Variants in CYP46A1 observed in about 807,000 individuals in gnomAD.
CYP46A1 encodes the protein cytochrome P450 family 46 subfamily A member 1, also known as cholesterol 24-hydroxylase.
In CYP46A1, 20 loss-of-function variants were observed where a neutral mutation model predicts 63.3. The ratio of observed to expected loss-of-function variants is 0.32; its 90% CI spans 0.22 to 0.46. The LOEUF is 0.46. CYP46A1 is among the 20% of genes least tolerant of loss of function. The pLI is 1.00. For missense variants in CYP46A1, 445 were observed against 670.8 expected, an observed-to-expected ratio of 0.66 and a Z score of 3.72; for synonymous variants, 268 against 273.6, an observed-to-expected ratio of 0.98 and a Z score of 0.20.
intron 1 of CYP46A1, among the ~76,000 whole-genome samples, chr14:99,690,416 C>T (rs181289674): frequency 5.7e-4 from 87 of 152,278 alleles, no homozygotes; most frequent in Non-Finnish European, 8.7e-4. Context: ...ATTTACTCTC[C>T]GCCTTTCCCT....
intron 1 of CYP46A1, 41 bp from the exon 2 acceptor site, chr14:99,691,040 T>C: frequency 6.3e-7 from 1 of 1,592,726 alleles, no homozygotes; most frequent in Non-Finnish European, 8.6e-7. Context: ...CGTTCTTTCC[T>C]GTTGACTGCT....
intron 5 of CYP46A1, chr14:99,703,674 C>T (rs1390746514): frequency 1.2e-5 from 12 of 981,464 alleles, no homozygotes; most frequent in Non-Finnish European, 1.3e-5. Flanking sequence ...ATCAAGGCAC[C>T]TGTCACACCC....
intron 5 of CYP46A1, chr14:99,706,330 A>G (rs947982576): frequency 4.1e-6 from 1 of 244,098 alleles, no homozygotes; most frequent in African/African-American, 2.2e-5. Context: ...AGGAGGCCCA[A>G]AGTTTCTACA....
In CYP46A1 at chr14:99,707,564, C is replaced by T. The variant is rs751341543; in HGVS notation, c.583-4C>T. 3 of 1,613,658 alleles carry T rather than the reference C, an allele frequency of 1.9e-6. No homozygotes were observed. The highest frequency in any genetic ancestry group is 2.7e-5 in the African/African-American group (2 of 74,916). ...GGATGACCTTGCCCTTCTCTCTCCC[C>T]CAGGCAGCTTTTGGGATGGAGACCA... is the stretch of plus-strand genomic sequence containing the variant. On this transcript the variant is annotated splice_region_variant and splice_polypyrimidine_tract_variant and intron_variant, in intron 6 of 14. Coordinates refer to ENST00000261835, the MANE Select transcript of CYP46A1 (RefSeq NM_006668.2).
intron 2 of CYP46A1, 151 bp downstream of exon 2, chr14:99,691,312 T>G (rs1595184380): frequency 2.8e-6 from 2 of 707,688 alleles, no homozygotes; most frequent in Non-Finnish European, 4.9e-6. Context: ...TGGAGGCAGG[T>G]GAGGCTGGCT....
At chr14:99,717,069 G>T (rs933688578) in intron 9 of CYP46A1, among the ~76,000 whole-genome samples, 2 of 152,148 alleles carry the variant, frequency 1.3e-5, no homozygotes, top group Non-Finnish European at 2.9e-5. Flanking sequence ...GCTGCAGGGC[G>T]CCATTCCCTG....
intron 7 of CYP46A1, chr14:99,710,466 G>C (rs1327014260): frequency 1.3e-5 from 2 of 152,030 alleles, no homozygotes; most frequent in Non-Finnish European, 2.9e-5. Context: ...CATACAGACT[G>C]AAAGTAAAGG....
chr14:99,720,514 A>G (rs1287098995), intron 10 of CYP46A1, among the ~76,000 whole-genome samples: 1 of 141,548 alleles, frequency 7.1e-6, no homozygotes, highest in Admixed American at 7.5e-5. Context: ...GCTGGAGTGC[A>G]GTGGCTCTAC....
chr14:99,692,752 C>T (rs971530028), intron 3 of CYP46A1, among the ~76,000 whole-genome samples: 5 of 151,934 alleles, frequency 3.3e-5, no homozygotes, highest in Non-Finnish European at 5.9e-5. Context: ...ATCGCTTGAA[C>T]CCGGGAGGCA....
At chr14:99,706,492 A>G (rs2056677079) in intron 5 of CYP46A1, 155 bp from the exon 6 acceptor site, 3 of 897,278 alleles carry the variant, frequency 3.3e-6, no homozygotes, top group East Asian at 2.5e-5. Context: ...TACAACTCCA[A>G]CCTGCAATCT....
Position 99,726,713 on chromosome 14 carries a change from C to A in CYP46A1, c.1489C>A (p.Pro497Thr). The A allele has an allele frequency of 6.5e-7, 1 of 1,534,234 alleles. No individual in the cohort carries two copies. Among genetic ancestry groups the A allele is most frequent in the Non-Finnish European group, 8.8e-7 (1 of 1,138,744 alleles). Reference sequence around the variant, plus strand: ...CCGCGGCTGGCAGCCCGCACCCCCACCACCCCCCTGCTGAGGGGGCCTCCA... The same window carrying A: ...CCGCGGCTGGCAGCCCGCACCCCCAACACCCCCCTGCTGAGGGGGCCTCCA... The part of the protein sequence containing the change: ...RPRGWQPAPP[P>T]PPC The change falls in exon 15 of 15, where the codon CCA (proline) becomes ACA (threonine). Residue 497 changes from proline to threonine, a missense_variant. Pro to Thr is a conservative substitution (Grantham distance 38). Coordinates refer to ENST00000261835, the MANE Select transcript of CYP46A1 (RefSeq NM_006668.2).
intron 10 of CYP46A1, among the ~76,000 whole-genome samples, chr14:99,718,676 C>T (rs2056815317): frequency 6.6e-6 from 1 of 152,158 alleles, no homozygotes; most frequent in African/African-American, 2.4e-5. Flanking sequence ...CATGGAGTGG[C>T]TGAAGCAAGG....
At position 99,718,118 on chromosome 14, in the gene CYP46A1, C is replaced by T. The variant is rs187491029; in HGVS notation, c.972C>T (p.Ile324=). The part of the protein sequence containing the change: ...TVMELSRQPE[I]VARLQAEVDE... Reference sequence around the variant, plus strand: ...TGGAGCTGTCTCGCCAGCCAGAGATCGTGGCAAGGTATGGGGGCTGCTCTT... The same window carrying T: ...TGGAGCTGTCTCGCCAGCCAGAGATTGTGGCAAGGTATGGGGGCTGCTCTT... Residue 324 remains isoleucine, a synonymous_variant, in exon 10 of 15, where the codon ATC becomes ATT. Coordinates refer to ENST00000261835, the MANE Select transcript of CYP46A1 (RefSeq NM_006668.2). 77 of 1,613,966 alleles carry T rather than the reference C, an allele frequency of 4.8e-5. 3 individuals are homozygous for T. The South Asian group carries it at 6.4e-4, about 13-fold the overall frequency.
chr14:99,723,602 C>T (rs561133951), intron 12 of CYP46A1, among the ~76,000 whole-genome samples: 81 of 152,356 alleles, frequency 5.3e-4, no homozygotes, highest in African/African-American at 1.7e-3. Flanking sequence ...AGCCAGCGCG[C>T]CCAGCCCTAG....
chr14:99,716,740 G>A (rs74784375), intron 9 of CYP46A1, among the ~76,000 whole-genome samples: 2,631 of 152,258 alleles, frequency 0.017, 35 homozygotes, highest in Non-Finnish European at 0.03. Flanking sequence ...ATTGAGTGAC[G>A]TCTGTTCCCC....
In CYP46A1 at chr14:99,691,852, G is replaced by C; in HGVS notation, c.273G>C (p.Glu91Asp). ...HKTSVIVTSP[E>D]SVKKFLMSTK... ...CCTCAGTCATCGTCACGAGTCCTGA[G>C]TCGGTTAAGGTAGGAGGAAGAGTGG... The change falls in exon 3 of 15, where the codon GAG becomes GAC. Residue 91 changes from glutamate to aspartate, a missense_variant. Physicochemically the swap from Glu to Asp is conservative, Grantham distance 45. Transcript: ENST00000261835. 6.2e-7 allele frequency: 1 copy of C among 1,614,182 alleles called. No homozygotes were observed. Among genetic ancestry groups the C allele is most frequent in the Non-Finnish European group, 8.5e-7 (1 of 1,180,032 alleles).
Position 99,715,845 on chromosome 14 carries a change from C to G in CYP46A1, c.729C>G (p.Val243=). The G allele has an allele frequency of 6.2e-7, 1 of 1,614,094 alleles. No homozygotes were observed. Among genetic ancestry groups the G allele is most frequent in the Non-Finnish European group, 8.5e-7 (1 of 1,179,994 alleles). Residue 243 remains valine, a synonymous_variant, in exon 8 of 15, where the codon GTC becomes GTG. Coordinates refer to ENST00000261835, the MANE Select transcript of CYP46A1 (RefSeq NM_006668.2). ...LPGKRKQLRE[V]RESIRFLRQV... ...GGAAGAGGAAGCAGCTCCGGGAGGT[C>G]CGGGAGAGCATTCGCTTCCTGCGCC...
In CYP46A1 at chr14:99,691,854, C is replaced by T. The variant is rs2056546496; in HGVS notation, c.275C>T (p.Ser92Leu). ...KTSVIVTSPE[S>L]VKKFLMSTKY... ...TCAGTCATCGTCACGAGTCCTGAGT[C>T]GGTTAAGGTAGGAGGAAGAGTGGTT... is the stretch of plus-strand genomic sequence containing the variant. Residue 92 changes from serine (S) to leucine (L), a missense_variant, in exon 3 of 15, where the codon TCG becomes TTG. Coordinates refer to ENST00000261835, the MANE Select transcript of CYP46A1 (RefSeq NM_006668.2). The T allele has an allele frequency of 6.2e-7, 1 of 1,614,114 alleles. No homozygotes were observed. Among genetic ancestry groups the T allele is most frequent in the Non-Finnish European group, 8.5e-7 (1 of 1,180,012 alleles).
At chr14:99,718,223 C>A in intron 10 of CYP46A1, 97 bp downstream of exon 10, 1 of 1,007,642 alleles carries the variant, frequency 9.9e-7, no homozygotes, top group Non-Finnish European at 1.5e-6. Flanking sequence ...GTCCCCTCAA[C>A]ATGCCCTGCT....
Sources: allele counts gnomAD v4.1 joint callset (sites outside exome capture counted in the v4.1 genomes callset), GRCh38; gene constraint gnomAD v4.1.1; transcripts MANE v1.5; gene names NCBI Gene and HGNC (gene_info 2026-07-23, HGNC 2026-07-21).